Variants in ANO2 observed in about 807,000 individuals in gnomAD.
ANO2 encodes the protein anoctamin-2.
A neutral mutation model predicts 124.2 loss-of-function variants in ANO2; 101 were observed. The ratio of observed to expected loss-of-function variants is 0.81; its 90% CI spans 0.69 to 0.96. ANO2 has a LOEUF of 0.96. Among genes scored for constraint, ANO2 ranks in the 40% least tolerant of loss-of-function variants. The pLI is 0.00. For synonymous variants in ANO2, 486 were observed against 482.5 expected (o/e 1.01, Z -0.09); for missense variants, 1,293 against 1,274.5 (o/e 1.01, Z -0.22).
At chr12:5,804,023 A>T (rs1050676999) in intron 9 of ANO2, among the ~76,000 whole-genome samples, 1 of 152,188 alleles carries the variant, frequency 6.6e-6, no homozygotes, top group African/African-American at 2.4e-5. Flanking sequence ...TAATCCCTAC[A>T]GGCCCCAGAG....
intron 10 of ANO2, among the ~76,000 whole-genome samples, chr12:5,798,271 G>A (rs917028617): frequency 7.2e-5 from 11 of 151,964 alleles, no homozygotes; most frequent in South Asian, 2.1e-4. Flanking sequence ...CACAGGCCCC[G>A]CATGTCCCTG....
chr12:5,909,925 C>G (rs115447044), intron 3 of ANO2, among the ~76,000 whole-genome samples: 135 of 152,166 alleles, frequency 8.9e-4, no homozygotes, highest in African/African-American at 3.2e-3. Context: ...ATCTATGGAC[C>G]CTACTCAGAA....
At chr12:5,731,233 T>A (rs2137065306) in intron 14 of ANO2, among the ~76,000 whole-genome samples, 1 of 152,352 alleles carries the variant, frequency 6.6e-6, no homozygotes, top group South Asian at 2.1e-4. Context: ...GTGGCGGTGA[T>A]GATTAGTCTT....
At chr12:5,801,660 C>A (rs182166053) in intron 9 of ANO2, among the ~76,000 whole-genome samples, 2 of 152,350 alleles carry the variant, frequency 1.3e-5, no homozygotes, top group Admixed American at 1.3e-4. Context: ...GCAGAAACTA[C>A]ACAGGCCCTG....
intron 7 of ANO2, among the ~76,000 whole-genome samples, chr12:5,825,060 C>T (rs1231494953): frequency 2.6e-5 from 4 of 152,190 alleles, no homozygotes; most frequent in African/African-American, 7.2e-5. Flanking sequence ...CAGGGGGACA[C>T]AGCCAAACCA....
At chr12:5,826,833 C>A (rs888011513) in intron 7 of ANO2, among the ~76,000 whole-genome samples, 1 of 152,076 alleles carries the variant, frequency 6.6e-6, no homozygotes, top group Non-Finnish European at 1.5e-5. Context: ...CATTGTTATT[C>A]CTGAGCCTGA....
At position 5,797,252 on chromosome 12, in the gene ANO2, G is replaced by A. The variant is rs576767016; in HGVS notation, c.1055+2255C>T. 9.8e-5 allele frequency among the ~76,000 whole-genome samples: 15 copies of A among 152,306 alleles called. No homozygotes were observed. The South Asian group carries it at 3.1e-3, about 32-fold the overall frequency. The stretch of plus-strand genomic sequence containing the variant: ...GGCAGGTGGGCCCCGACAGGAGGTG[G>A]GAGGAATGATGGAGAGGAAGTGGCA... On this transcript the variant is annotated intron_variant, in intron 10 of 24. Transcript: ENST00000682330.
chr12:5,744,117 G>A (rs1228709672), intron 12 of ANO2, 40 bp downstream of exon 12: 2 of 1,610,436 alleles, frequency 1.2e-6, no homozygotes, highest in Admixed American at 3.3e-5. Context: ...CCCATGTAAA[G>A]GAACCACCCA....
At chr12:5,605,107 G>T (rs1045527272) in intron 19 of ANO2, among the ~76,000 whole-genome samples, 3 of 152,058 alleles carry the variant, frequency 2.0e-5, no homozygotes, top group African/African-American at 7.2e-5. Flanking sequence ...TGGCTCCACA[G>T]ATCTTTAGCC....
Position 5,885,179 on chromosome 12 carries a change from G to A in ANO2, c.535-31038C>T, listed in dbSNP as rs75358271. On this transcript the variant is annotated intron_variant, in intron 3 of 24. Transcript: ENST00000682330. ...CCACCACCCCGTCCCCACTCCTGGG[G>A]TCTGGAAGTATAAACACACTGGGTG... Among the ~76,000 whole-genome samples, 270 of 152,324 alleles carry A rather than the reference G, an allele frequency of 1.8e-3. 3 individuals carry two copies. In the East Asian group the frequency reaches 0.038, roughly 22 times the overall value.
chr12:5,673,181 C>A (rs2136990306), intron 14 of ANO2, among the ~76,000 whole-genome samples: 2 of 152,322 alleles, frequency 1.3e-5, no homozygotes, highest in Admixed American at 1.3e-4. Flanking sequence ...GCACACTGAA[C>A]CCCTTGCTCA....
Position 5,645,610 on chromosome 12 carries a change from A to G in ANO2, c.1620+2117T>C, listed in dbSNP as rs1162805451. On this transcript the variant is annotated intron_variant, in intron 15 of 24. Coordinates refer to ENST00000682330, the MANE Select transcript of ANO2 (RefSeq NM_001364791.2). Reference sequence around the variant, plus strand: ...CAAAATAGTTTCTTATTCTTTGTGTATATTTTTAAGGTTGCTGTTTTAACC... The same window carrying G: ...CAAAATAGTTTCTTATTCTTTGTGTGTATTTTTAAGGTTGCTGTTTTAACC... Among the ~76,000 whole-genome samples the G allele has an allele frequency of 2.6e-5, 4 of 152,162 alleles. No individual in the cohort carries two copies. The South Asian group carries it at 6.2e-4, about 24-fold the overall frequency.
At chr12:5,670,702 T>C (rs566106584) in intron 14 of ANO2, among the ~76,000 whole-genome samples, 1 of 151,534 alleles carries the variant, frequency 6.6e-6, no homozygotes, top group Admixed American at 6.6e-5. Context: ...TCCTGGCTAA[T>C]TTTTTTTTAA....
At chr12:5,790,049 C>T (rs757960879) in intron 10 of ANO2, among the ~76,000 whole-genome samples, 2 of 152,194 alleles carry the variant, frequency 1.3e-5, no homozygotes, top group African/African-American at 4.8e-5. Flanking sequence ...CGCCAGTCCC[C>T]TTGCTCCTTC....
chr12:5,939,035 A>G (rs1453486476), intron 1 of ANO2, among the ~76,000 whole-genome samples: 2 of 151,182 alleles, frequency 1.3e-5, no homozygotes, highest in Non-Finnish European at 2.9e-5. Context: ...TGGCCAAGAG[A>G]GTAAAACCCC....
At chr12:5,804,596 A>G (rs1439011116) in intron 9 of ANO2, among the ~76,000 whole-genome samples, 1 of 152,138 alleles carries the variant, frequency 6.6e-6, no homozygotes, top group East Asian at 1.9e-4. Context: ...CACCTATTCT[A>G]CCAGGTGGAG....
chr12:5,577,780 C>A (rs572199113), intron 22 of ANO2, among the ~76,000 whole-genome samples, 175 bp downstream of exon 22: 1 of 152,190 alleles, frequency 6.6e-6, no homozygotes, highest in Non-Finnish European at 1.5e-5. Flanking sequence ...ACAGCCTCAG[C>A]GACAGCATGA....
At position 5,571,736 on chromosome 12, in the gene ANO2, A is replaced by G. The variant is rs1024429913; in HGVS notation, c.2621+4098T>C. On this transcript the variant is annotated intron_variant, in intron 23 of 24. Transcript: ENST00000682330. The stretch of plus-strand genomic sequence containing the variant: ...CTCTCTCTCTTCCATGTACACATAT[A>G]TGTATACGGAATTATCTCAAGGATC... Among the ~76,000 whole-genome samples the G allele has an allele frequency of 2.6e-5, 4 of 151,984 alleles. 1 individual carries two copies. Among genetic ancestry groups the G allele is most frequent in the Non-Finnish European group, 5.9e-5 (4 of 68,002 alleles).
rs557081772 is a variant in ANO2, at chr12:5,817,518, C to T, written c.893-10150G>A. Among the ~76,000 whole-genome samples the T allele has an allele frequency of 6.6e-5, 10 of 152,222 alleles. No individual in the cohort carries two copies. The East Asian group carries it at 9.6e-4, about 15-fold the overall frequency. ...GTAGAAAACAAGCAAGAAAGAGATT[C>T]GGTTTGATAAGAGCTCCAAGGAAAG... On this transcript the variant is annotated intron_variant, in intron 7 of 24. Transcript: ENST00000682330.
Sources: allele counts gnomAD v4.1 joint callset (sites outside exome capture counted in the v4.1 genomes callset), GRCh38; gene constraint gnomAD v4.1.1; transcripts MANE v1.5; gene names NCBI Gene and HGNC (gene_info 2026-07-23, HGNC 2026-07-21).